BCKDHB: variants seen among roughly 807,000 people sequenced by gnomAD.
BCKDHB encodes 2-oxoisovalerate dehydrogenase subunit beta, mitochondrial.
Under a neutral mutation model 48.5 loss-of-function variants are expected in BCKDHB, and 41 were observed. The observed-to-expected ratio is 0.85, with a 90% CI of 0.66 to 1.10. The LOEUF (loss-of-function observed/expected upper bound fraction) is 1.10, where lower values mean the gene tolerates loss of function less well. Ranked by LOEUF, BCKDHB falls within the 50% of genes least tolerant of loss-of-function variation. BCKDHB has a pLI of 0.00. For missense variants in BCKDHB, 496 were observed against 494.2 expected, an observed-to-expected ratio of 1.00 and a Z score of -0.03; for synonymous variants, 201 against 174.8, an observed-to-expected ratio of 1.15 and a Z score of -1.18.
At chr6:80,341,462 A>C (rs1769901781) in intron 9 of BCKDHB, among the ~76,000 whole-genome samples, 2 of 152,226 alleles carry the variant, frequency 1.3e-5, no homozygotes, top group African/African-American at 4.8e-5. Context: ...CACTGTTTAC[A>C]GTTCAAGTGT....
At chr6:80,441,855 T>C in the BCKDHB span, among the ~76,000 whole-genome samples, 1 of 152,170 alleles carries the variant, frequency 6.6e-6, no homozygotes, top group Non-Finnish European at 1.5e-5. Context: ...AGTAGACATA[T>C]AAAGTCCCTA....
the BCKDHB span, among the ~76,000 whole-genome samples, chr6:80,368,782 G>A: frequency 0.41 from 61,676 of 151,850 alleles, 14,297 homozygotes; most frequent in Non-Finnish European, 0.54. Context: ...AGGCCGAGGC[G>A]GGCGGATCAC....
the BCKDHB span, among the ~76,000 whole-genome samples, chr6:80,390,730 A>T: frequency 6.6e-6 from 1 of 151,958 alleles, no homozygotes; most frequent in Non-Finnish European, 1.5e-5. Context: ...ATCTCAGGAG[A>T]TGTGTATAGG....
chr6:80,407,249 G>C, the BCKDHB span, among the ~76,000 whole-genome samples: 1 of 152,194 alleles, frequency 6.6e-6, no homozygotes, highest in African/African-American at 2.4e-5. Flanking sequence ...TGCTGTTTTG[G>C]TTACTGTAGC....
At chr6:80,349,379 A>C (rs73467556), downstream of BCKDHB, among the ~76,000 whole-genome samples, 1,224 of 152,258 alleles carry the variant, frequency 8.0e-3, 10 homozygotes, top group African/African-American at 0.028. Flanking sequence ...TTAGGTACAA[A>C]GTTAACTAAG....
At chr6:80,294,459 C>T (rs892958307) in intron 9 of BCKDHB, among the ~76,000 whole-genome samples, 1 of 152,142 alleles carries the variant, frequency 6.6e-6, no homozygotes, top group South Asian at 2.1e-4. Context: ...TAGGTCTGAC[C>T]GCCTGTGGGG....
intron 9 of BCKDHB, among the ~76,000 whole-genome samples, chr6:80,304,903 C>A (rs1767777869): frequency 6.6e-6 from 1 of 152,086 alleles, no homozygotes; most frequent in East Asian, 1.9e-4. Flanking sequence ...CTTCCTTTAC[C>A]TGATAAAGGT....
At chr6:80,423,077 C>G in the BCKDHB span, among the ~76,000 whole-genome samples, 1 of 152,076 alleles carries the variant, frequency 6.6e-6, no homozygotes, top group Non-Finnish European at 1.5e-5. Flanking sequence ...GAGGGAGAGA[C>G]CTGGTGGGTG....
chr6:80,134,047 GTA>G (rs753798421), intron 3 of BCKDHB, among the ~76,000 whole-genome samples: 2 of 152,158 alleles, frequency 1.3e-5, no homozygotes, highest in African/African-American at 2.4e-5. Flanking sequence ...GAGAAAGAGT[GTA>G]TGTGTGTGTG....
At chr6:80,300,899 T>A (rs905532610) in intron 9 of BCKDHB, among the ~76,000 whole-genome samples, 57 of 152,230 alleles carry the variant, frequency 3.7e-4, no homozygotes, top group African/African-American at 1.3e-3. Flanking sequence ...TGCTCCTGAA[T>A]AACTACACAA....
At chr6:80,156,320 TTCATA>T (rs1290222706) in intron 3 of BCKDHB, among the ~76,000 whole-genome samples, 1 of 151,982 alleles carries the variant, frequency 6.6e-6, no homozygotes, top group Non-Finnish European at 1.5e-5. Flanking sequence ...GGCCAACTAC[TTCATA>T]TTATCTGAAG....
chr6:80,257,049 G>T (rs1777080076), intron 8 of BCKDHB, among the ~76,000 whole-genome samples: 1 of 152,054 alleles, frequency 6.6e-6, no homozygotes, highest in South Asian at 2.1e-4. Context: ...TTGCTCACTG[G>T]AGTTACAGCT....
intron 1 of BCKDHB, among the ~76,000 whole-genome samples, chr6:80,115,826 C>T (rs538797786): frequency 1.1e-4 from 17 of 151,968 alleles, no homozygotes; most frequent in Non-Finnish European, 2.2e-4. Flanking sequence ...TTAGTAGAGA[C>T]GGAGTTTTAC....
intron 3 of BCKDHB, among the ~76,000 whole-genome samples, chr6:80,159,928 A>C (rs1368533210): frequency 6.6e-6 from 1 of 152,248 alleles, no homozygotes; most frequent in East Asian, 1.9e-4. Context: ...CAACTTGCTT[A>C]GAAATAGACA....
At chr6:80,175,263 C>G (rs2127783760) in intron 6 of BCKDHB, among the ~76,000 whole-genome samples, 1 of 152,288 alleles carries the variant, frequency 6.6e-6, no homozygotes, top group Admixed American at 6.5e-5. Flanking sequence ...GAAGATTGCA[C>G]ACATTAAATT....
chr6:80,156,552 T>A (rs573645668), intron 3 of BCKDHB, among the ~76,000 whole-genome samples: 1 of 152,286 alleles, frequency 6.6e-6, no homozygotes, highest in Non-Finnish European at 1.5e-5. Flanking sequence ...GATAATTGAA[T>A]AAGGCACACA....
chr6:80,247,291 A>G lies in BCKDHB; in HGVS notation c.952-25844A>G, dbSNP rs1253094753. Among the ~76,000 whole-genome samples the G allele has an allele frequency of 2.0e-5, 3 of 152,356 alleles. No individual in the cohort carries two copies. In the East Asian group the frequency reaches 5.8e-4, roughly 29 times the overall value. ...GCCAAAGCTTTCAGCTTTGCTGGGT[A>G]AAGCAACAAGATTAGTAAGAATAAA... On this transcript the variant is annotated intron_variant, in intron 8 of 9. Transcript: ENST00000320393.
chr6:80,224,196 C>T (rs561015715), intron 8 of BCKDHB, among the ~76,000 whole-genome samples: 1 of 152,060 alleles, frequency 6.6e-6, no homozygotes, highest in Non-Finnish European at 1.5e-5. Flanking sequence ...GTTTAGGGTG[C>T]TGTTCATGGG....
chr6:80,353,474 G>A, the BCKDHB span, among the ~76,000 whole-genome samples: 2 of 152,026 alleles, frequency 1.3e-5, no homozygotes, highest in Non-Finnish European at 2.9e-5. Flanking sequence ...CTTAGAGACT[G>A]TACTAATTTA....
Sources: gnomAD v4.1 joint callset for allele counts (sites outside exome capture counted in the v4.1 genomes callset) on GRCh38, gnomAD v4.1.1 for gene constraint, MANE v1.5 for transcripts, NCBI Gene and HGNC (gene_info 2026-07-23, HGNC 2026-07-21) for gene names.